Variants in PCDHA2 observed in about 807,000 individuals in gnomAD.
PCDHA2 encodes protocadherin alpha-2.
A neutral mutation model predicts 66.0 loss-of-function variants in PCDHA2; 58 were observed. The observed-to-expected ratio is 0.88, with a 90% confidence interval of 0.71 to 1.09. The LOEUF is 1.09. Among genes scored for constraint, PCDHA2 ranks in the 50% least tolerant of loss-of-function variants. The pLI is 0.00. For synonymous variants in PCDHA2, 634 were observed against 554.0 expected (o/e 1.14, Z -2.03); for missense variants, 1,267 against 1,242.3 (o/e 1.02, Z -0.30).
intron 1 of PCDHA2, chr5:140,805,592 T>G (rs782553368): frequency 1.1e-6 from 1 of 931,810 alleles, no homozygotes; most frequent in Non-Finnish European, 1.3e-6. Flanking sequence ...CATTATGTCT[T>G]TATATATTAA....
chr5:140,850,240 T>G, intron 1 of PCDHA2: 1 of 1,593,446 alleles, frequency 6.3e-7, no homozygotes, highest in East Asian at 2.2e-5. Flanking sequence ...GAGATGGTGC[T>G]GCGGTCGGTG....
chr5:140,906,644 T>C (rs1167181721), intron 1 of PCDHA2, among the ~76,000 whole-genome samples: 3 of 152,232 alleles, frequency 2.0e-5, no homozygotes, highest in Admixed American at 6.5e-5. Flanking sequence ...CAGCAGGTAG[T>C]GGTTTTTTCC....
intron 1 of PCDHA2, chr5:140,812,284 GA>G (rs1554125942): frequency 1.3e-5 from 2 of 151,872 alleles, no homozygotes; most frequent in Non-Finnish European, 2.9e-5. Flanking sequence ...CTAGGTTATT[GA>G]ATTTTTTGGT....
intron 1 of PCDHA2, among the ~76,000 whole-genome samples, chr5:140,912,146 T>G (rs1248730371): frequency 6.6e-6 from 1 of 152,202 alleles, no homozygotes; most frequent in Admixed American, 6.5e-5. Flanking sequence ...CATGTTCTTC[T>G]GCCTGTTTTT....
At chr5:140,869,733 G>A (rs2051364392) in intron 1 of PCDHA2, 1 of 1,613,178 alleles carries the variant, frequency 6.2e-7, no homozygotes, top group Non-Finnish European at 8.5e-7. Context: ...AACTTAATTT[G>A]CTGCTAACAG....
rs368945682 is a variant in PCDHA2 at position 140,796,914 on chromosome 5, G to A, written c.1950G>A (p.Leu650=). ...ADSPRHRLLV[L]VKDHGEPALT... is the part of the protein sequence containing the mutation. ...CCCCTCGACACCGCCTACTCGTGCTGGTGAAGGACCACGGCGAACCAGCGT... is the reference window on the plus strand; with the variant it reads ...CCCCTCGACACCGCCTACTCGTGCTAGTGAAGGACCACGGCGAACCAGCGT... Residue 650 remains leucine (L), a synonymous_variant, in exon 1 of 4, where the codon CTG becomes CTA. Coordinates refer to ENST00000526136, the MANE Select transcript of PCDHA2 (RefSeq NM_018905.3). 6.2e-7 allele frequency: 1 copy of A among 1,613,808 alleles called. No individual in the cohort carries two copies. The highest frequency in any genetic ancestry group is 1.3e-5 in the African/African-American group (1 of 74,938).
In PCDHA2 at chr5:140,951,072, T is replaced by G. The variant is rs551891980; in HGVS notation, c.2389-27877T>G. Among the ~76,000 whole-genome samples the G allele has an allele frequency of 1.1e-4, 16 of 152,184 alleles. No individual in the cohort carries two copies. The South Asian group carries it at 3.1e-3, about 30-fold the overall frequency. ...ATTGCTAAAATTTCCATTGGCTTTCTTATATTTTCCTTTTTTTCTGATAAG... is the reference window on the plus strand; with the variant it reads ...ATTGCTAAAATTTCCATTGGCTTTCGTATATTTTCCTTTTTTTCTGATAAG... On this transcript the variant is annotated intron_variant, in intron 1 of 3. Transcript: ENST00000526136.
At position 140,882,738 on chromosome 5, in the gene PCDHA2, C is replaced by T. The variant is rs1005115100; in HGVS notation, c.2388+85386C>T. 8.1e-6 allele frequency: 13 copies of T among 1,614,118 alleles called. No individual in the cohort carries two copies. The highest frequency in any genetic ancestry group is 1.3e-5 in the African/African-American group (1 of 74,942). ...GAAACTCGATTTCCACTAGATGGCG[C>T]ATCCGATGCAGATATTGGAGTAAAC... On this transcript the variant is annotated intron_variant, in intron 1 of 3. Transcript: ENST00000526136.
chr5:140,819,098 AT>A (rs1766490568), intron 1 of PCDHA2, among the ~76,000 whole-genome samples: 2 of 152,214 alleles, frequency 1.3e-5, no homozygotes, highest in African/African-American at 4.8e-5. Flanking sequence ...TGTGTATTAT[AT>A]GCTCATGGTA....
chr5:140,991,308 C>T (rs374484318), intron 3 of PCDHA2, among the ~76,000 whole-genome samples: 1 of 152,282 alleles, frequency 6.6e-6, no homozygotes, highest in South Asian at 2.1e-4. Flanking sequence ...ATTATCTTGT[C>T]CCGCATGATA....
At chr5:140,857,215 G>A in intron 1 of PCDHA2, 1 of 1,598,474 alleles carries the variant, frequency 6.3e-7, no homozygotes. Flanking sequence ...GCTCTCTGAC[G>A]CCTCACGTTC....
intron 1 of PCDHA2, among the ~76,000 whole-genome samples, chr5:140,944,214 G>T (rs72801002): frequency 0.015 from 2,290 of 152,232 alleles, 30 homozygotes; most frequent in Non-Finnish European, 0.021. Context: ...TTTAAAGAGG[G>T]TTTTACTCTG....
At chr5:140,801,123 G>A (rs1381463833) in intron 1 of PCDHA2, 3 of 1,517,646 alleles carry the variant, frequency 2.0e-6, no homozygotes, top group Non-Finnish European at 2.6e-6. Context: ...TTTAAGAAAT[G>A]AAGATAAGGA....
chr5:140,923,885 AGAG>A (rs1190900836), intron 1 of PCDHA2, among the ~76,000 whole-genome samples: 7 of 152,210 alleles, frequency 4.6e-5, no homozygotes, highest in Non-Finnish European at 8.8e-5. Flanking sequence ...AGCGTGTGAA[AGAG>A]GAGGAGTTTC....
intron 1 of PCDHA2, chr5:140,823,612 G>A (rs2150127408): frequency 1.3e-5 from 21 of 1,614,042 alleles, no homozygotes; most frequent in Middle Eastern, 1.7e-4. Context: ...GCTGCAGCCA[G>A]CGCCTGGCAG....
At chr5:140,838,935 T>TAATAA (rs1186571610) in intron 1 of PCDHA2, among the ~76,000 whole-genome samples, 8 of 151,738 alleles carry the variant, frequency 5.3e-5, no homozygotes, top group South Asian at 4.2e-4. Context: ...TAAAATGAAA[T>TAATAA]AATAAAATAA....
chr5:140,842,130 A>G (rs2150330073), intron 1 of PCDHA2: 80 of 1,613,774 alleles, frequency 5.0e-5, no homozygotes, highest in Non-Finnish European at 6.6e-5. Context: ...TCTGATCCGG[A>G]TGAAGGAGCC....
intron 1 of PCDHA2, chr5:140,967,281 C>G: frequency 2.5e-6 from 4 of 1,613,102 alleles, no homozygotes; most frequent in Non-Finnish European, 3.4e-6. Flanking sequence ...ATAGAGAGTG[C>G]GCAGGACCCC....
Position 140,843,486 on chromosome 5 carries a change from G to A in PCDHA2, c.2388+46134G>A. The A allele has an allele frequency of 2.5e-6, 4 of 1,595,976 alleles. 1 individual carries two copies. The highest frequency in any genetic ancestry group is 1.7e-5 in the Admixed American group (1 of 59,314). ...ACGCTGCTGCTGTACACTGCGCTGC[G>A]GTGCTCAGCACTGCCCACTGAGGGC... On this transcript the variant is annotated intron_variant, in intron 1 of 3. Transcript: ENST00000526136.
Sources: gnomAD v4.1 joint callset for allele counts (sites outside exome capture counted in the v4.1 genomes callset) on GRCh38, gnomAD v4.1.1 for gene constraint, MANE v1.5 for transcripts, NCBI Gene and HGNC (gene_info 2026-07-23, HGNC 2026-07-21) for gene names.